The following NUP133 variants were observed in gnomAD, a reference collection of about 807,000 sequenced individuals.
NUP133 encodes the protein nuclear pore complex protein Nup133.
In NUP133, 66 loss-of-function variants were observed where a neutral mutation model predicts 146.2. That is an observed-to-expected ratio of 0.45 (90% CI 0.37 to 0.55). The LOEUF (loss-of-function observed/expected upper bound fraction) is 0.55, where lower values mean the gene tolerates loss of function less well. NUP133 is among the 20% of genes least tolerant of loss of function. The pLI, the probability that NUP133 is intolerant of heterozygous loss-of-function variation, is 0.00. For synonymous variants in NUP133, 521 were observed against 498.8 expected (o/e 1.04, Z -0.59); for missense variants, 1,277 against 1,374.8 (o/e 0.93, Z 1.12).
Position 229,498,260 on chromosome 1 carries a change from A to C in NUP133, c.695T>G (p.Leu232Trp). 1 of 1,606,004 alleles carries C rather than the reference A, an allele frequency of 6.2e-7. No homozygotes were observed. The highest frequency in any genetic ancestry group is 1.3e-5 in the African/African-American group (1 of 74,590). ...AATCTTTCCTGAGCTCTCAGGTATCAACCGAATTAGTTGGCTTCCTGATGA... is the reference window on the plus strand; with the variant it reads ...AATCTTTCCTGAGCTCTCAGGTATCCACCGAATTAGTTGGCTTCCTGATGA... ...LSSSGSQLIR[L>W]IPESSGKIHQ... Residue 232 changes from leucine to tryptophan, a missense_variant, in exon 6 of 26, where the codon TTG (leucine) becomes TGG (tryptophan). Leu to Trp is a moderately conservative substitution (Grantham distance 61, BLOSUM62 -2). This residue lies in a region of NUP133 where 319 missense variants were observed against 306.9 expected (regional missense o/e 1.04). Transcript: ENST00000261396.
intron 9 of NUP133, among the ~76,000 whole-genome samples, chr1:229,488,815 C>T (rs1027791625): frequency 6.6e-6 from 1 of 152,070 alleles, no homozygotes; most frequent in Non-Finnish European, 1.5e-5. Context: ...TCACTGCACT[C>T]CAGTCCAAGC....
intron 8 of NUP133, among the ~76,000 whole-genome samples, chr1:229,493,427 G>A (rs1661571320): frequency 6.6e-6 from 1 of 152,136 alleles, no homozygotes; most frequent in African/African-American, 2.4e-5. Context: ...CAATCCTCCT[G>A]TCTTGGCTTC....
At chr1:229,489,155 CTTTT>C (rs755090495) in intron 9 of NUP133, among the ~76,000 whole-genome samples, 3 of 151,920 alleles carry the variant, frequency 2.0e-5, no homozygotes, top group Non-Finnish European at 4.4e-5. Flanking sequence ...TCTTTTTCTT[CTTTT>C]TTTAGGATGG....
chr1:229,443,894 CTTT>C (rs746631129), intron 25 of NUP133, among the ~76,000 whole-genome samples: 3 of 114,866 alleles, frequency 2.6e-5, no homozygotes, highest in Admixed American at 9.0e-5. Context: ...GTGCTCAACT[CTTT>C]TTTTTTTTTT....
chr1:229,472,546 G>C (rs1208323732), intron 14 of NUP133, among the ~76,000 whole-genome samples: 2 of 151,428 alleles, frequency 1.3e-5, no homozygotes, highest in East Asian at 3.9e-4. Flanking sequence ...AGCTGATTTG[G>C]TGGCACATGC....
chr1:229,483,505 G>A (rs190267874), intron 12 of NUP133, among the ~76,000 whole-genome samples: 8 of 152,078 alleles, frequency 5.3e-5, no homozygotes, highest in African/African-American at 1.9e-4. Context: ...AGGAGTTTGA[G>A]ACTAGCCTGG....
intron 16 of NUP133, 23 bp from the exon 17 acceptor site, chr1:229,465,542 A>T (rs1660792229): frequency 6.6e-7 from 1 of 1,506,436 alleles, no homozygotes; most frequent in African/African-American, 1.4e-5. Flanking sequence ...TTAATGTGTT[A>T]TCACATGCAA....
chr1:229,469,845 G>A (rs1166035031), intron 15 of NUP133, among the ~76,000 whole-genome samples: 1 of 152,206 alleles, frequency 6.6e-6, no homozygotes, highest in Non-Finnish European at 1.5e-5. Flanking sequence ...GCCAACAAGG[G>A]TGAAACCAGG....
rs1057132161 is a variant in NUP133, at chr1:229,440,363, T to G, written c.*1541A>C. 1 of 152,140 alleles carries G rather than the reference T, an allele frequency of 6.6e-6. No homozygotes were observed. Among genetic ancestry groups the G allele is most frequent in the Non-Finnish European group, 1.5e-5 (1 of 68,034 alleles). 9.4% of individuals were successfully genotyped at this position (152,140 alleles called of 1,614,324 possible). A position where few individuals can be genotyped will look rare whatever the true frequency, so the allele number is the denominator to read the frequency against. On this transcript the variant is annotated 3_prime_UTR_variant, in exon 26 of 26. Transcript: ENST00000261396. ...GAGAAACAGGATTAAAAGAGGGAGC[T>G]TTTTCTTCCCTTGAACAGGATGACT...
chr1:229,466,906 A>G (rs1285304868), intron 15 of NUP133, 150 bp from the exon 16 acceptor site: 4 of 684,148 alleles, frequency 5.8e-6, no homozygotes, highest in Non-Finnish European at 9.0e-6. Flanking sequence ...TAAATTCAAA[A>G]ATCAAGAAAA....
In NUP133 at chr1:229,496,539, A is replaced by C. The variant is rs545329379; in HGVS notation, c.820-492T>G. 2.6e-5 allele frequency among the ~76,000 whole-genome samples: 4 copies of C among 152,318 alleles called. No individual in the cohort carries two copies. The South Asian group carries it at 8.3e-4, about 32-fold the overall frequency. The stretch of plus-strand genomic sequence containing the variant: ...AAATAGAGCTTGAGGGCAAGGTTGG[A>C]TCTATAGGAAGAAGGATACAGGTGG... On this transcript the variant is annotated intron_variant, in intron 6 of 25. Coordinates refer to ENST00000261396, the MANE Select transcript of NUP133 (RefSeq NM_018230.3).
chr1:229,500,710 T>TC, intron 4 of NUP133, 46 bp downstream of exon 4: 1 of 1,118,376 alleles, frequency 8.9e-7, no homozygotes, highest in Non-Finnish European at 1.3e-6. Flanking sequence ...CTTTAGGATG[T>TC]CCTTGTTGTA....
chr1:229,460,782 G>T lies in NUP133; in HGVS notation c.2686-13C>A. The T allele has an allele frequency of 1.2e-6, 2 of 1,602,418 alleles. No individual in the cohort carries two copies. The highest frequency in any genetic ancestry group is 1.7e-6 in the Non-Finnish European group (2 of 1,173,236). ...AGTCTGAAAAATTCTACAAATAACAGAACATAGAATTCATTCATAATAGTT... is the reference window on the plus strand; with the variant it reads ...AGTCTGAAAAATTCTACAAATAACATAACATAGAATTCATTCATAATAGTT... On this transcript the variant is annotated splice_polypyrimidine_tract_variant and intron_variant, in intron 19 of 25. Coordinates refer to ENST00000261396, the MANE Select transcript of NUP133 (RefSeq NM_018230.3).
intron 25 of NUP133, among the ~76,000 whole-genome samples, chr1:229,443,723 A>ATTTTTTTT (rs71561738): frequency 8.6e-6 from 1 of 116,160 alleles, no homozygotes; most frequent in Non-Finnish European, 1.7e-5. Flanking sequence ...CACATATATA[A>ATTTTTTTT]TTTTTTTTTT....
chr1:229,481,910 C>T (rs1333202752), intron 12 of NUP133, among the ~76,000 whole-genome samples: 2 of 152,184 alleles, frequency 1.3e-5, no homozygotes, highest in Non-Finnish European at 2.9e-5. Flanking sequence ...AGAGAAGACA[C>T]TTGCGTTGTT....
Position 229,464,653 on chromosome 1 carries a change from T to C in NUP133, c.2522A>G (p.Gln841Arg), listed in dbSNP as rs1558094300. 6.2e-7 allele frequency: 1 copy of C among 1,614,232 alleles called. No individual in the cohort carries two copies. The highest frequency in any genetic ancestry group is 8.5e-7 in the Non-Finnish European group (1 of 1,180,028). The change falls in exon 18 of 26, where the codon CAG (glutamine) becomes CGG (arginine). Residue 841 changes from glutamine (Q) to arginine (R), a missense_variant. By Grantham distance (43) the Gln-to-Arg change is conservative (BLOSUM62 1). This residue lies in a region of NUP133 where 952 missense variants were observed against 1,047.0 expected (regional missense o/e 0.91). Transcript: ENST00000261396. ...RYDNLEMEYL[Q>R]KRSDLLSPLL... ...AGGAGATAAGAGATCTGATCTTTTCTGTAGGTATTCCATCTCCAGATTGTC... is the reference window on the plus strand; with the variant it reads ...AGGAGATAAGAGATCTGATCTTTTCCGTAGGTATTCCATCTCCAGATTGTC...
rs1458633519 is a variant in NUP133, at chr1:229,445,591, T to C, written c.3246-589A>G. On this transcript the variant is annotated intron_variant, in intron 24 of 25. Transcript: ENST00000261396. ...GTCTTGGCCTCCCAAAGTGCTGGGA[T>C]TGCAGGCATGAGCCACTGGACCCAG... Among the ~76,000 whole-genome samples, 4 of 152,350 alleles carry C rather than the reference T, an allele frequency of 2.6e-5. No individual in the cohort carries two copies. The East Asian group carries it at 7.7e-4, about 29-fold the overall frequency.
At chr1:229,458,411 G>C (rs1660615784) in intron 20 of NUP133, 115 bp from the exon 21 acceptor site, 14 of 994,214 alleles carry the variant, frequency 1.4e-5, no homozygotes, top group Non-Finnish European at 1.9e-5. Flanking sequence ...TGAATGAGAA[G>C]TCAACAGTTA....
chr1:229,484,088 T>G lies in NUP133; in HGVS notation c.1558A>C (p.Lys520Gln). 6.2e-7 allele frequency: 1 copy of G among 1,613,644 alleles called. No homozygotes were observed. Among genetic ancestry groups the G allele is most frequent in the Non-Finnish European group, 8.5e-7 (1 of 1,179,716 alleles). The change falls in exon 12 of 26, where the codon AAG becomes CAG. Residue 520 changes from lysine (K) to glutamine (Q), a missense_variant. By Grantham distance (53) the Lys-to-Gln change is moderately conservative. Transcript: ENST00000261396. ...NETIAQEDKI[K>Q]LLKAAFLQYC... ...TGCAGAAAGGCAGCTTTCAGCAACT[T>G]GATTTTATCTTCCTGGGCTATAGTT...
Sources: gnomAD v4.1 joint callset for allele counts (sites outside exome capture counted in the v4.1 genomes callset) on GRCh38, gnomAD v4.1.1 for gene constraint, gnomAD v4.1.1 regional missense constraint, MANE v1.5 for transcripts, NCBI Gene and HGNC (gene_info 2026-07-23, HGNC 2026-07-21) for gene names.